The following COQ3 variants were observed in gnomAD, a reference collection of about 807,000 sequenced individuals.
The protein encoded by COQ3 is ubiquinone biosynthesis O-methyltransferase, mitochondrial.
A neutral mutation model predicts 33.1 loss-of-function variants in COQ3; 29 were observed. The observed-to-expected ratio is 0.88, with a 90% CI of 0.65 to 1.19. The LOEUF is 1.19. Ranked by LOEUF, COQ3 falls within the 50% of genes most tolerant of loss-of-function variation. The pLI, the probability that COQ3 is intolerant of heterozygous loss-of-function variation, is 0.00. For missense variants in COQ3, 437 were observed against 430.7 expected (o/e 1.01, Z -0.13); for synonymous variants, 173 against 157.8 (o/e 1.10, Z -0.72).
In COQ3 at chr6:99,390,603, A is replaced by G. The variant is rs538081372; in HGVS notation, c.106+3471T>C. Among the ~76,000 whole-genome samples the G allele has an allele frequency of 1.1e-4, 16 of 152,358 alleles. No homozygotes were observed. In the South Asian group the frequency reaches 1.9e-3, roughly 18 times the overall value. ...CGCCTCGGCCTCCCAAAGTGCTGGGACTACAGGCGTGAGCCACGCGCCCAG... is the reference window on the plus strand; with the variant it reads ...CGCCTCGGCCTCCCAAAGTGCTGGGGCTACAGGCGTGAGCCACGCGCCCAG... On this transcript the variant is annotated intron_variant, in intron 1 of 6. Transcript: ENST00000254759.
Position 99,394,158 on chromosome 6 carries a change from C to T in COQ3, c.22G>A (p.Gly8Ser). 1 of 1,605,540 alleles carries T rather than the reference C, an allele frequency of 6.2e-7. No homozygotes were observed. Among genetic ancestry groups the T allele is most frequent in the African/African-American group, 1.3e-5 (1 of 74,178 alleles). The change falls in exon 1 of 7, where the codon GGC (glycine) becomes AGC (serine). Residue 8 changes from glycine to serine, a missense_variant. Gly to Ser is a moderately conservative substitution (Grantham distance 56). Coordinates refer to ENST00000254759, the MANE Select transcript of COQ3 (RefSeq NM_017421.4). ...CTTAAAAACCAACCCCCGGAGGAGC[C>T]CAGCTTACGGCCACTCCACATCGCG... MWSGRKL[G>S]SSGGWFLRVL...
At chr6:99,384,512 T>G (rs13214046) in intron 1 of COQ3, among the ~76,000 whole-genome samples, 20,189 of 152,262 alleles carry the variant, frequency 0.13, 1,867 homozygotes, top group Non-Finnish European at 0.18. Flanking sequence ...GTCAAAACTA[T>G]TTCAAATTCT....
At chr6:99,379,023 T>G (rs1303809303) in intron 3 of COQ3, among the ~76,000 whole-genome samples, 1 of 151,058 alleles carries the variant, frequency 6.6e-6, no homozygotes, top group African/African-American at 2.4e-5. Context: ...TTTTATTTTA[T>G]TATTATTATA....
chr6:99,385,390 T>C (rs894856033), intron 1 of COQ3, among the ~76,000 whole-genome samples: 1 of 152,182 alleles, frequency 6.6e-6, no homozygotes, highest in Admixed American at 6.6e-5. Context: ...AGATAGACCA[T>C]ATCCTGGGAC....
At position 99,388,724 on chromosome 6, in the gene COQ3, T is replaced by C. The variant is rs564871974; in HGVS notation, c.107-4900A>G. ...TTAGCCAGGTGTGGTGGTGGGAACC[T>C]GTAATACGAGCTACTCAGGAGGCTG... On this transcript the variant is annotated intron_variant, in intron 1 of 6. Coordinates refer to ENST00000254759, the MANE Select transcript of COQ3 (RefSeq NM_017421.4). Among the ~76,000 whole-genome samples the C allele has an allele frequency of 1.0e-3, 157 of 152,074 alleles. 1 individual carries two copies. Among genetic ancestry groups the C allele is most frequent in the African/African-American group, 3.7e-3 (155 of 41,462 alleles).
rs1197691641 is a variant in COQ3 at position 99,370,325 on chromosome 6, C to CT, written c.890-506dup. On this transcript the variant is annotated intron_variant, in intron 6 of 6. Coordinates refer to ENST00000254759, the MANE Select transcript of COQ3 (RefSeq NM_017421.4). ...ATTTTTTTCCTACTTTCTTTTCTTTCTTTCTTTTCTTTTCTTTACTTTTTT... is the reference window on the plus strand; with the variant it reads ...ATTTTTTTCCTACTTTCTTTTCTTTCTTTTCTTTTCTTTTCTTTACTTTTTT... Among the ~76,000 whole-genome samples, 7 of 128,976 alleles carry CT rather than the reference C, an allele frequency of 5.4e-5. No individual in the cohort carries two copies. The East Asian group carries it at 1.6e-3, about 29-fold the overall frequency. 84.6% of individuals were successfully genotyped at this position (128,976 alleles called of 152,430 possible).
rs776370725 is a variant in COQ3 at position 99,371,411 on chromosome 6, A to T, written c.889+17T>A. On this transcript the variant is annotated intron_variant, in intron 6 of 6. Coordinates refer to ENST00000254759, the MANE Select transcript of COQ3 (RefSeq NM_017421.4). Reference sequence around the variant, plus strand: ...AGCTAGGCCTGGAAAATTGGAAAAAATTCTCTTAATACTTACTTGATTCCA... The same window carrying T: ...AGCTAGGCCTGGAAAATTGGAAAAATTTCTCTTAATACTTACTTGATTCCA... 6.4e-7 allele frequency: 1 copy of T among 1,553,420 alleles called. No individual in the cohort carries two copies. Among genetic ancestry groups the T allele is most frequent in the African/African-American group, 1.4e-5 (1 of 71,394 alleles).
intron 2 of COQ3, chr6:99,383,043 GA>G (rs1322079694): frequency 6.6e-6 from 1 of 152,290 alleles, no homozygotes; most frequent in Non-Finnish European, 1.5e-5. Context: ...TCAGGCAGGA[GA>G]ATCGCTTGAA....
intron 1 of COQ3, among the ~76,000 whole-genome samples, chr6:99,387,122 A>G (rs1258832691): frequency 6.6e-6 from 1 of 152,208 alleles, no homozygotes; most frequent in Admixed American, 6.5e-5. Context: ...AATGTTAAAA[A>G]GCAGTTAATA....
intron 1 of COQ3, among the ~76,000 whole-genome samples, chr6:99,388,016 T>A (rs1774702837): frequency 6.6e-6 from 1 of 151,904 alleles, no homozygotes; most frequent in Admixed American, 6.6e-5. Flanking sequence ...AATACAAAAT[T>A]AGCCGGGCAT....
intron 1 of COQ3, among the ~76,000 whole-genome samples, chr6:99,392,748 C>A (rs1201321234): frequency 6.6e-6 from 1 of 152,064 alleles, no homozygotes; most frequent in African/African-American, 2.4e-5. Flanking sequence ...GCCTCAGCCT[C>A]CCGAGTAGCT....
chr6:99,383,835 A>T lies in COQ3; in HGVS notation c.107-11T>A. 6.4e-7 allele frequency: 1 copy of T among 1,562,362 alleles called. No homozygotes were observed. The highest frequency in any genetic ancestry group is 1.4e-5 in the African/African-American group (1 of 71,826). ...GGTTCTTCACATAAACTGAAAAAAA[A>T]AATTAAATATCTAGAGAAAAGCTTT... is the stretch of plus-strand genomic sequence containing the variant. On this transcript the variant is annotated splice_polypyrimidine_tract_variant and intron_variant, in intron 1 of 6. Coordinates refer to ENST00000254759, the MANE Select transcript of COQ3 (RefSeq NM_017421.4).
At chr6:99,378,158 T>A (rs202043795) in intron 3 of COQ3, among the ~76,000 whole-genome samples, 109 of 80,952 alleles carry the variant, frequency 1.3e-3, no homozygotes, top group Admixed American at 2.1e-3. Flanking sequence ...ATATATATAT[T>A]TAGAGAGAGA....
At chr6:99,383,892 T>G in intron 1 of COQ3, 68 bp from the exon 2 acceptor site, 1 of 1,189,638 alleles carries the variant, frequency 8.4e-7, no homozygotes, top group Non-Finnish European at 1.2e-6. Flanking sequence ...TGCATGTAAT[T>G]GAAGATTCTA....
intron 1 of COQ3, among the ~76,000 whole-genome samples, chr6:99,387,137 C>T (rs545984557): frequency 2.6e-5 from 4 of 152,076 alleles, no homozygotes; most frequent in African/African-American, 4.8e-5. Flanking sequence ...TTAATATAAT[C>T]GACCATATTA....
intron 5 of COQ3, among the ~76,000 whole-genome samples, chr6:99,374,025 C>T (rs924790280): frequency 7.2e-5 from 10 of 138,134 alleles, no homozygotes; most frequent in Non-Finnish European, 1.5e-4. Context: ...GAGGAAACAC[C>T]AAAAAACTGT....
intron 1 of COQ3, among the ~76,000 whole-genome samples, chr6:99,384,859 C>T (rs535642069): frequency 2.6e-4 from 39 of 152,234 alleles, no homozygotes; most frequent in Admixed American, 3.9e-4. Flanking sequence ...GCTTGTAATC[C>T]CAGCACTTTC....
intron 2 of COQ3, among the ~76,000 whole-genome samples, chr6:99,380,551 A>C (rs953670806): frequency 5.9e-5 from 9 of 152,192 alleles, no homozygotes; most frequent in Admixed American, 3.9e-4. Flanking sequence ...TTACTTTTCA[A>C]GTAAGTTTCA....
chr6:99,388,506 CT>C (rs11375800), intron 1 of COQ3, among the ~76,000 whole-genome samples: 2 of 149,666 alleles, frequency 1.3e-5, no homozygotes, highest in Admixed American at 6.7e-5. Flanking sequence ...TCTCAATAGC[CT>C]TTTTTTTTTG....
Sources: allele counts gnomAD v4.1 joint callset (sites outside exome capture counted in the v4.1 genomes callset), GRCh38; gene constraint gnomAD v4.1.1; transcripts MANE v1.5; gene names NCBI Gene and HGNC (gene_info 2026-07-23, HGNC 2026-07-21).